Variants in MKKS observed in about 807,000 individuals in gnomAD.
MKKS encodes the protein molecular chaperone MKKS.
MKKS carries 29 observed loss-of-function variants against 33.2 expected under a neutral mutation model. The ratio of observed to expected loss-of-function variants is 0.87; its 90% CI spans 0.65 to 1.19. The LOEUF (loss-of-function observed/expected upper bound fraction) is 1.19. MKKS is among the 50% of genes most tolerant of loss of function. The pLI is 0.00. For synonymous variants in MKKS, 260 were observed against 244.0 expected, an observed-to-expected ratio of 1.07 and a Z score of -0.61; for missense variants, 661 against 662.3, an observed-to-expected ratio of 1.00 and a Z score of 0.02.
intron 1 of MKKS, among the ~76,000 whole-genome samples, chr20:10,433,101 TCAA>T (rs2065066034): frequency 6.6e-6 from 1 of 152,226 alleles, no homozygotes; most frequent in Non-Finnish European, 1.5e-5. Context: ...CCTCCAGGGC[TCAA>T]GCGATTCTCC....
Position 10,429,704 on chromosome 20 carries a change from A to C in MKKS, c.-649+4404T>G, listed in dbSNP as rs533882970. ...CACTCAGCACATCCTGCCATTTGAC[A>C]TAAGTGTTTCTTTACATAATCCCTC... On this transcript the variant is annotated intron_variant, in intron 1 of 5. Coordinates refer to ENST00000347364, the MANE Select transcript of MKKS (RefSeq NM_170784.3). 4.7e-4 allele frequency among the ~76,000 whole-genome samples: 72 copies of C among 152,258 alleles called. 2 individuals are homozygous for C. The highest frequency in any genetic ancestry group is 2.1e-4 in the South Asian group (1 of 4,830).
Position 10,420,707 on chromosome 20 carries a change from T to C in MKKS, c.-597A>G, listed in dbSNP as rs557920764. 6.6e-6 allele frequency: 1 copy of C among 152,134 alleles called. No homozygotes were observed. Among genetic ancestry groups the C allele is most frequent in the Non-Finnish European group, 1.5e-5 (1 of 68,034 alleles). The allele number at this position is 152,134 out of a possible 1,614,324, so 9.4% of individuals were successfully genotyped here. A position where few individuals can be genotyped will look rare whatever the true frequency, so the allele number is the denominator to read the frequency against. On this transcript the variant is annotated 5_prime_UTR_variant, in exon 2 of 6. Transcript: ENST00000347364. ...AAAGGGACCATAACAACCAAAACTT[T>C]GTAGTCTCTCCACAAGTTCCGAAGG...
Position 10,412,820 on chromosome 20 carries a change from G to C in MKKS, c.695C>G (p.Pro232Arg). 1 of 1,614,144 alleles carries C rather than the reference G, an allele frequency of 6.2e-7. No homozygotes were observed. The highest frequency in any genetic ancestry group is 8.5e-7 in the Non-Finnish European group (1 of 1,180,012). Residue 232 changes from proline (P) to arginine (R), a missense_variant, in exon 3 of 6, where the codon CCT (proline) becomes CGT (arginine). By Grantham distance (103) the Pro-to-Arg change is moderately radical. Coordinates refer to ENST00000347364, the MANE Select transcript of MKKS (RefSeq NM_170784.3). ...MSEVQLMRLL[P>R]IKKSTALKVA... Reference sequence around the variant, plus strand: ...CTTGAGGGCAGTTGATTTTTTGATAGGTAATAGCCTCATTAATTGAACTTC... The same window carrying C: ...CTTGAGGGCAGTTGATTTTTTGATACGTAATAGCCTCATTAATTGAACTTC...
Position 10,408,641 on chromosome 20 carries a change from CA to C in MKKS, c.1147del (p.Trp383GlyfsTer4). ...TTCATTACCTACCTTCAGCTCATCC[CA>C]GGCAGTGTCATTTCTGTTGCAGAGA... ...LLLCNRNDTA[W>X]DELKLTCQTA... is the part of the protein sequence containing the mutation. On this transcript the variant is annotated frameshift_variant, in exon 4 of 6. Coordinates refer to ENST00000347364, the MANE Select transcript of MKKS (RefSeq NM_170784.3). LOFTEE classifies it high-confidence loss of function. The C allele has an allele frequency of 6.2e-7, 1 of 1,614,048 alleles. No homozygotes were observed. Among genetic ancestry groups the C allele is most frequent in the East Asian group, 2.2e-5 (1 of 44,858 alleles).
Position 10,403,890 on chromosome 20 carries a change from G to A in MKKS, c.*1357C>T, listed in dbSNP as rs952551247. The A allele has an allele frequency of 6.6e-6, 1 of 152,172 alleles. No individual in the cohort carries two copies. The highest frequency in any genetic ancestry group is 1.5e-5 in the Non-Finnish European group (1 of 68,026). 9.4% of individuals were successfully genotyped at this position (152,172 alleles called of 1,614,324 possible). ...CCTAACATATATGGATGGCATTGCT[G>A]CTTGTATTGCTAGTTTTTTCCTTTG... On this transcript the variant is annotated 3_prime_UTR_variant, in exon 6 of 6. Coordinates refer to ENST00000347364, the MANE Select transcript of MKKS (RefSeq NM_170784.3).
Position 10,413,355 on chromosome 20 carries a change from C to T in MKKS, c.160G>A (p.Val54Met), listed in dbSNP as rs150671263. 5.6e-6 allele frequency: 9 copies of T among 1,613,824 alleles called. No individual in the cohort carries two copies. Among genetic ancestry groups the T allele is most frequent in the African/African-American group, 4.0e-5 (3 of 74,898 alleles). Residue 54 changes from valine to methionine, a missense_variant, in exon 3 of 6, where the codon GTG becomes ATG. By Grantham distance (21) the Val-to-Met change is conservative. Transcript: ENST00000347364. ...GCTGAGGACTGTGAGGTTGTACACA[C>T]GTAACCTCCAAAGCCATTGTGCAGC... is the stretch of plus-strand genomic sequence containing the variant. ...KQLHNGFGGY[V>M]CTTSQSSALL...
At position 10,413,114 on chromosome 20, in the gene MKKS, T is replaced by C; in HGVS notation, c.401A>G (p.Glu134Gly). The change falls in exon 3 of 6, where the codon GAG (glutamate) becomes GGG (glycine). Residue 134 changes from glutamate (E) to glycine (G), a missense_variant. Glu to Gly is a moderately conservative substitution (Grantham distance 98, BLOSUM62 -2). Coordinates refer to ENST00000347364, the MANE Select transcript of MKKS (RefSeq NM_170784.3). ...CACTGGGATTCGACAACCACAGGTC[T>C]CAGACTTGAGATAACTGATGCAAAG... ...LSLCISYLKS[E>G]TCGCRIPVDF... 6.2e-7 allele frequency: 1 copy of C among 1,614,064 alleles called. No homozygotes were observed.
intron 1 of MKKS, among the ~76,000 whole-genome samples, chr20:10,422,048 C>T (rs1456602298): frequency 6.6e-6 from 1 of 151,962 alleles, no homozygotes; most frequent in Non-Finnish European, 1.5e-5. Flanking sequence ...TTCTTATTCC[C>T]CCTTTTAAGA....
Position 10,413,705 on chromosome 20 carries a change from A to C in MKKS, c.-191T>G. The C allele has an allele frequency of 1.6e-6, 1 of 629,792 alleles. No individual in the cohort carries two copies. Among genetic ancestry groups the C allele is most frequent in the Non-Finnish European group, 2.7e-6 (1 of 364,540 alleles). 39.0% of individuals were successfully genotyped at this position (629,792 alleles called of 1,614,324 possible). A position where few individuals can be genotyped will look rare whatever the true frequency, so the allele number is the denominator to read the frequency against. ...AATCAGCATAGAATGATTTAATGAC[A>C]AATTAGTAATTCCAAATATTTATTT... is the stretch of plus-strand genomic sequence containing the variant. On this transcript the variant is annotated 5_prime_UTR_variant, in exon 3 of 6. Transcript: ENST00000347364.
In MKKS at chr20:10,432,756, C is replaced by G. The variant is rs12625356; in HGVS notation, c.-649+1352G>C. 1.2e-4 allele frequency among the ~76,000 whole-genome samples: 16 copies of G among 131,716 alleles called. No individual in the cohort carries two copies. In the East Asian group the frequency reaches 2.2e-3, roughly 18 times the overall value. The allele number at this position is 131,716 out of a possible 152,430, so 86.4% of individuals were successfully genotyped here. A position where few individuals can be genotyped will look rare whatever the true frequency, so the allele number is the denominator to read the frequency against. ...GGTTGCACAGTGAGCAGAGATCCAG[C>G]TTCAGCCTGCGCGACAGAGCGAGAC... On this transcript the variant is annotated intron_variant, in intron 1 of 5. Coordinates refer to ENST00000347364, the MANE Select transcript of MKKS (RefSeq NM_170784.3).
Position 10,405,155 on chromosome 20 carries a change from G to A in MKKS, c.*92C>T. 9.8e-7 allele frequency: 1 copy of A among 1,025,330 alleles called. No homozygotes were observed. Among genetic ancestry groups the A allele is most frequent in the Admixed American group, 2.5e-5 (1 of 40,122 alleles). The allele number at this position is 1,025,330 out of a possible 1,614,324, so 63.5% of individuals were successfully genotyped here. ...CATTTGTCCAAATATGTAGAACAGG[G>A]CTTTGGGAGAAAACAAATACACTCA... On this transcript the variant is annotated 3_prime_UTR_variant, in exon 6 of 6. Coordinates refer to ENST00000347364, the MANE Select transcript of MKKS (RefSeq NM_170784.3).
intron 1 of MKKS, among the ~76,000 whole-genome samples, chr20:10,428,114 T>A (rs940403620): frequency 6.6e-6 from 1 of 152,260 alleles, no homozygotes; most frequent in Non-Finnish European, 1.5e-5. Context: ...TCTCAAATAT[T>A]AAGCAAGTGA....
At chr20:10,422,753 C>A (rs1015417530) in intron 1 of MKKS, among the ~76,000 whole-genome samples, 39 of 151,392 alleles carry the variant, frequency 2.6e-4, no homozygotes, top group African/African-American at 9.0e-4. Flanking sequence ...GCTCTGTCAC[C>A]CAAGCTGTAG....
At position 10,401,127 on chromosome 20, in the gene MKKS, T is replaced by C. The variant is rs918620766; in HGVS notation, c.*4120A>G. 6.6e-6 allele frequency: 1 copy of C among 152,214 alleles called. No homozygotes were observed. The highest frequency in any genetic ancestry group is 6.5e-5 in the Admixed American group (1 of 15,280). 9.4% of individuals were successfully genotyped at this position (152,214 alleles called of 1,614,324 possible). A position where few individuals can be genotyped will look rare whatever the true frequency, so the allele number is the denominator to read the frequency against. On this transcript the variant is annotated 3_prime_UTR_variant, in exon 6 of 6. Transcript: ENST00000347364. ...TCACACTTCATTACAGGTAATATAG[T>C]ATTCTATGGATTTTAGTGCGCCAAG...
At chr20:10,428,215 C>CTGAGAAAGT (rs2065029440) in intron 1 of MKKS, among the ~76,000 whole-genome samples, 1 of 152,180 alleles carries the variant, frequency 6.6e-6, no homozygotes, top group Admixed American at 6.5e-5. Flanking sequence ...TCTGAGAATC[C>CTGAGAAAGT]TGTCCCCTTT....
intron 3 of MKKS, among the ~76,000 whole-genome samples, chr20:10,410,565 T>G (rs2122229714): frequency 6.6e-6 from 1 of 151,984 alleles, no homozygotes; most frequent in East Asian, 1.9e-4. Flanking sequence ...GAGGCAGAGG[T>G]TGCAGTGAGC....
In MKKS at chr20:10,413,152, T is replaced by G. The variant is rs745313480; in HGVS notation, c.363A>C (p.Lys121Asn). The change falls in exon 3 of 6, where the codon AAA (lysine) becomes AAC (asparagine). Residue 121 changes from lysine (K) to asparagine (N), a missense_variant. Physicochemically the swap from Lys to Asn is moderately conservative, Grantham distance 94 (BLOSUM62 0). Coordinates refer to ENST00000347364, the MANE Select transcript of MKKS (RefSeq NM_170784.3). ...LTPTTVIRLN[K>N]HLLSLCISYL... The stretch of plus-strand genomic sequence containing the variant: ...AACTGATGCAAAGACTCAAAAGATG[T>G]TTATTTAATCTAATGACAGTGGTGG... 17 of 1,614,134 alleles carry G rather than the reference T, an allele frequency of 1.1e-5. No homozygotes were observed. The highest frequency in any genetic ancestry group is 1.4e-5 in the Non-Finnish European group (17 of 1,180,034).
In MKKS at chr20:10,413,923, C is replaced by T. The variant is rs1462547620; in HGVS notation, c.-409G>A. 3 of 410,352 alleles carry T rather than the reference C, an allele frequency of 7.3e-6. No homozygotes were observed. Among genetic ancestry groups the T allele is most frequent in the East Asian group, 3.5e-5 (1 of 28,714 alleles). The allele number at this position is 410,352 out of a possible 1,614,324, so 25.4% of individuals were successfully genotyped here. The stretch of plus-strand genomic sequence containing the variant: ...GATATGAAGCTCAGATTCAAAGCTG[C>T]TTCTTTACCTAATAAATAATAAAAA... On this transcript the variant is annotated 5_prime_UTR_variant, in exon 3 of 6. Coordinates refer to ENST00000347364, the MANE Select transcript of MKKS (RefSeq NM_170784.3).
chr20:10,409,629 C>A (rs2064866230), intron 3 of MKKS, among the ~76,000 whole-genome samples: 1 of 152,098 alleles, frequency 6.6e-6, no homozygotes, highest in Admixed American at 6.6e-5. Context: ...TTCTTTCAGA[C>A]TCACCTTTAA....
Sources: gnomAD v4.1 joint callset for allele counts (sites outside exome capture counted in the v4.1 genomes callset) on GRCh38, gnomAD v4.1.1 for gene constraint, MANE v1.5 for transcripts, NCBI Gene and HGNC (gene_info 2026-07-23, HGNC 2026-07-21) for gene names.